The following PDS5B variants were observed in gnomAD, a reference collection of about 807,000 sequenced individuals.
The protein encoded by PDS5B is PDS5 cohesin associated factor B, also known as sister chromatid cohesion protein PDS5 homolog B.
PDS5B carries 51 observed loss-of-function variants against 184.1 expected under a neutral mutation model. The ratio of observed to expected loss-of-function variants is 0.28; its 90% confidence interval spans 0.22 to 0.35. The LOEUF (loss-of-function observed/expected upper bound fraction) is 0.35, where lower values mean the gene tolerates loss of function less well. Ranked by LOEUF, PDS5B falls within the 10% of genes least tolerant of loss-of-function variation. The probability of loss-of-function intolerance (pLI) is 1.00; values close to 1 mark genes in which losing one functional copy is unlikely to be tolerated. For missense variants in PDS5B, 1,180 were observed against 1,723.3 expected (o/e 0.68, Z 5.58); for synonymous variants, 566 against 569.2 (o/e 0.99, Z 0.08).
At chr13:32,736,756 A>G (rs1953343177) in intron 21 of PDS5B, among the ~76,000 whole-genome samples, 3 of 152,064 alleles carry the variant, frequency 2.0e-5, no homozygotes, top group African/African-American at 7.2e-5. Context: ...CTTTAAACGT[A>G]CATTGTTTTT....
chr13:32,701,568 T>C, intron 17 of PDS5B, 130 bp downstream of exon 17: 1 of 554,926 alleles, frequency 1.8e-6, no homozygotes. Flanking sequence ...CTGTATATAC[T>C]CCTCTGCATA....
At chr13:32,734,312 C>T (rs1054299651) in intron 20 of PDS5B, among the ~76,000 whole-genome samples, 1 of 152,108 alleles carries the variant, frequency 6.6e-6, no homozygotes, top group Non-Finnish European at 1.5e-5. Flanking sequence ...CAGATGTAAT[C>T]TGTAATTGTT....
rs571207674 is a variant in PDS5B at position 32,693,167 on chromosome 13, A to G, written c.1470-1056A>G. ...TGTTAGATTTTTAGTCCTCTGGAGT[A>G]TGAACATTTTGCTTTCAATGTTTAT... On this transcript the variant is annotated intron_variant, in intron 13 of 34. Transcript: ENST00000315596. Among the ~76,000 whole-genome samples the G allele has an allele frequency of 3.9e-5, 6 of 152,160 alleles. No individual in the cohort carries two copies. In the East Asian group the frequency reaches 1.2e-3, roughly 29 times the overall value.
At chr13:32,724,961 A>G (rs1952847745) in intron 19 of PDS5B, among the ~76,000 whole-genome samples, 1 of 152,128 alleles carries the variant, frequency 6.6e-6, no homozygotes, top group South Asian at 2.1e-4. Flanking sequence ...TTTTTACAGG[A>G]CTATTTTATA....
At chr13:32,762,251 C>G (rs1453246728) in intron 30 of PDS5B, among the ~76,000 whole-genome samples, 1 of 152,140 alleles carries the variant, frequency 6.6e-6, no homozygotes, top group African/African-American at 2.4e-5. Context: ...TTGTATAGGG[C>G]TAAACTGCCA....
intron 1 of PDS5B, among the ~76,000 whole-genome samples, chr13:32,600,465 G>A (rs1303968072): frequency 2.0e-5 from 3 of 152,332 alleles, no homozygotes; most frequent in Admixed American, 6.5e-5. Context: ...TTGGCCAGGC[G>A]TGGTGGCTCA....
intron 15 of PDS5B, among the ~76,000 whole-genome samples, chr13:32,698,113 A>G (rs1276781914): frequency 6.6e-6 from 1 of 151,914 alleles, no homozygotes; most frequent in Non-Finnish European, 1.5e-5. Flanking sequence ...TCTGTTTTCA[A>G]GGAATGCTGG....
intron 9 of PDS5B, 98 bp downstream of exon 9, chr13:32,676,057 C>A: frequency 1.6e-6 from 1 of 623,646 alleles, no homozygotes; most frequent in African/African-American, 1.8e-5. Context: ...TCTCTGGAAT[C>A]ATAAAAATGA....
At chr13:32,657,824 T>TA (rs955612417) in intron 3 of PDS5B, among the ~76,000 whole-genome samples, 2 of 151,970 alleles carry the variant, frequency 1.3e-5, no homozygotes, top group Admixed American at 6.6e-5. Context: ...ATTTGGCAAT[T>TA]AAAAAAAATT....
At chr13:32,631,123 T>C (rs535284163) in intron 1 of PDS5B, among the ~76,000 whole-genome samples, 1 of 142,696 alleles carries the variant, frequency 7.0e-6, no homozygotes, top group Non-Finnish European at 1.5e-5. Context: ...TCTTTCTTTT[T>C]TTTTTTTTTT....
chr13:32,673,203 T>G lies in PDS5B; in HGVS notation c.706-13T>G. On this transcript the variant is annotated splice_polypyrimidine_tract_variant and intron_variant, in intron 7 of 34. Transcript: ENST00000315596. Reference sequence around the variant, plus strand: ...TTTTTCTACTAATGATAGGCTTTCTTTCTCCTCAAAAGTTTTTTAATCAGG... The same window carrying G: ...TTTTTCTACTAATGATAGGCTTTCTGTCTCCTCAAAAGTTTTTTAATCAGG... 1 of 1,607,138 alleles carries G rather than the reference T, an allele frequency of 6.2e-7. No homozygotes were observed. Among genetic ancestry groups the G allele is most frequent in the East Asian group, 2.2e-5 (1 of 44,754 alleles).
intron 34 of PDS5B, 64 bp from the exon 35 acceptor site, chr13:32,774,953 A>T (rs1593673451): frequency 1.5e-6 from 2 of 1,324,274 alleles, no homozygotes; most frequent in East Asian, 2.3e-5. Context: ...GTTAAAAATG[A>T]TTACTGCATA....
At chr13:32,648,069 T>C (rs746225373) in intron 1 of PDS5B, among the ~76,000 whole-genome samples, 1 of 152,216 alleles carries the variant, frequency 6.6e-6, no homozygotes, top group Non-Finnish European at 1.5e-5. Flanking sequence ...CAAAACTAAT[T>C]ACCTGTTCCT....
intron 19 of PDS5B, among the ~76,000 whole-genome samples, chr13:32,711,604 C>T (rs10467358): frequency 0.086 from 13,044 of 152,102 alleles, 752 homozygotes; most frequent in Non-Finnish European, 0.13. Flanking sequence ...GTGATCTGCC[C>T]GCTTCCGCCT....
At chr13:32,671,209 T>C (rs1392563298) in intron 7 of PDS5B, among the ~76,000 whole-genome samples, 1 of 151,332 alleles carries the variant, frequency 6.6e-6, no homozygotes, top group Non-Finnish European at 1.5e-5. Flanking sequence ...CTTTTACACA[T>C]TGGAGAAGAC....
intron 19 of PDS5B, among the ~76,000 whole-genome samples, chr13:32,728,273 T>A (rs951492560): frequency 6.6e-6 from 1 of 152,170 alleles, no homozygotes; most frequent in Non-Finnish European, 1.5e-5. Context: ...CTACCCTAAT[T>A]CTATCACTTA....
chr13:32,755,111 C>T (rs1954127265), intron 25 of PDS5B, among the ~76,000 whole-genome samples: 1 of 152,080 alleles, frequency 6.6e-6, no homozygotes, highest in South Asian at 2.1e-4. Context: ...TTTATTGACA[C>T]ATATACATGA....
chr13:32,718,155 AT>A (rs373343825), intron 19 of PDS5B, among the ~76,000 whole-genome samples: 21 of 148,424 alleles, frequency 1.4e-4, no homozygotes, highest in East Asian at 2.0e-4. Context: ...GGGCTTCTGA[AT>A]TTTTTTTTTT....
At chr13:32,694,428 A>C in intron 14 of PDS5B, 124 bp downstream of exon 14, 1 of 687,496 alleles carries the variant, frequency 1.5e-6, no homozygotes, top group Non-Finnish European at 2.5e-6. Context: ...AGAAGTTAGG[A>C]TTCCTTGTTT....
Sources: gnomAD v4.1 joint callset for allele counts (sites outside exome capture counted in the v4.1 genomes callset) on GRCh38, gnomAD v4.1.1 for gene constraint, MANE v1.5 for transcripts, NCBI Gene and HGNC (gene_info 2026-07-23, HGNC 2026-07-21) for gene names.